The following IL1RAPL2 variants were observed in gnomAD, a reference collection of about 807,000 sequenced individuals.
IL1RAPL2 encodes the protein interleukin 1 receptor accessory protein like 2, also known as X-linked interleukin-1 receptor accessory protein-like 2.
In IL1RAPL2, 3 loss-of-function variants were observed where a neutral mutation model predicts 44.1. That is an observed-to-expected ratio of 0.07 (90% CI 0.03 to 0.18). IL1RAPL2 has a LOEUF of 0.18. Ranked by LOEUF, IL1RAPL2 falls within the 10% of genes least tolerant of loss-of-function variation. The pLI is 1.00. For missense variants in IL1RAPL2, 391 were observed against 496.4 expected (o/e 0.79, Z 2.02); for synonymous variants, 181 against 178.8 (o/e 1.01, Z -0.10).
At chrX:105,015,928 A>T (rs2031165364) in intron 2 of IL1RAPL2, among the ~76,000 whole-genome samples, 1 of 111,471 alleles carries the variant, frequency 9.0e-6, no homozygotes, top group African/African-American at 3.3e-5. Flanking sequence ...CATGATATTG[A>T]TTCTTCCTAT....
At chrX:104,726,149 C>T (rs1174085763) in intron 2 of IL1RAPL2, among the ~76,000 whole-genome samples, 3 of 111,212 alleles carry the variant, frequency 2.7e-5, no homozygotes, top group African/African-American at 9.8e-5. Flanking sequence ...GGAATCCTTT[C>T]CCCCATTTCT....
At chrX:105,547,454 A>T (rs2036812273) in intron 6 of IL1RAPL2, among the ~76,000 whole-genome samples, 1 of 112,023 alleles carries the variant, frequency 8.9e-6, no homozygotes, top group Admixed American at 9.4e-5. Context: ...GTTACTATCT[A>T]ACCAACTTTC....
chrX:105,468,050 C>T (rs1446581522), intron 5 of IL1RAPL2, among the ~76,000 whole-genome samples: 4 of 111,425 alleles, frequency 3.6e-5, no homozygotes, highest in Admixed American at 9.6e-5. Flanking sequence ...GTAAGCAAAC[C>T]GAAAGATGTA....
chrX:104,867,093 C>T (rs756770809), intron 2 of IL1RAPL2, among the ~76,000 whole-genome samples: 2 of 108,536 alleles, frequency 1.8e-5, no homozygotes, highest in Non-Finnish European at 3.8e-5. Flanking sequence ...AAAAATTAGC[C>T]GGGCACAGTG....
intron 4 of IL1RAPL2, among the ~76,000 whole-genome samples, chrX:105,241,487 A>C (rs944298014): frequency 8.9e-6 from 1 of 111,930 alleles, no homozygotes; most frequent in African/African-American, 3.2e-5. Context: ...TTCAAGAAAG[A>C]AAGCCAAATT....
chrX:105,081,767 G>C (rs2032411201), intron 2 of IL1RAPL2, among the ~76,000 whole-genome samples: 1 of 111,682 alleles, frequency 9.0e-6, no homozygotes, highest in Non-Finnish European at 1.9e-5. Flanking sequence ...TTTATGTGAT[G>C]GATTATGTAT....
chrX:105,643,544 A>T (rs1199001718), intron 6 of IL1RAPL2, among the ~76,000 whole-genome samples: 1 of 111,967 alleles, frequency 8.9e-6, no homozygotes, highest in African/African-American at 3.3e-5. Context: ...TCAAATGAGT[A>T]CCCTCCCTGG....
intron 2 of IL1RAPL2, among the ~76,000 whole-genome samples, chrX:104,747,751 A>G (rs1932200696): frequency 9.0e-6 from 1 of 111,612 alleles, no homozygotes. Context: ...GAGTGTACTT[A>G]CATGACTCTT....
intron 2 of IL1RAPL2, among the ~76,000 whole-genome samples, chrX:104,896,400 G>C (rs974903257): frequency 1.8e-5 from 2 of 111,250 alleles, no homozygotes; most frequent in Admixed American, 9.5e-5. Flanking sequence ...ACAACTGCAG[G>C]GCCCCTTCTT....
intron 6 of IL1RAPL2, among the ~76,000 whole-genome samples, chrX:105,694,280 A>C (rs769701426): frequency 4.5e-4 from 50 of 111,896 alleles, no homozygotes; most frequent in African/African-American, 1.6e-3. Flanking sequence ...CACTGCAACA[A>C]GTTAGGGGGC....
intron 2 of IL1RAPL2, among the ~76,000 whole-genome samples, chrX:104,744,618 C>A (rs1190949828): frequency 9.0e-6 from 1 of 111,313 alleles, no homozygotes; most frequent in Admixed American, 9.6e-5. Context: ...CACTTCATAG[C>A]ACAATTTATT....
intron 5 of IL1RAPL2, among the ~76,000 whole-genome samples, chrX:105,275,652 T>C (rs966582262): frequency 5.6e-5 from 6 of 107,740 alleles, no homozygotes; most frequent in African/African-American, 2.2e-4. Context: ...TTTGTGTTTG[T>C]AGAGCATCTT....
chrX:105,134,516 G>GT (rs1201447183), intron 2 of IL1RAPL2, among the ~76,000 whole-genome samples: 2 of 111,603 alleles, frequency 1.8e-5, no homozygotes, highest in Non-Finnish European at 3.8e-5. Context: ...TAGTCACTTA[G>GT]TTTTTCCTAC....
At chrX:105,296,130 A>T (rs1223733104) in intron 5 of IL1RAPL2, among the ~76,000 whole-genome samples, 1 of 111,606 alleles carries the variant, frequency 9.0e-6, no homozygotes, top group Non-Finnish European at 1.9e-5. Flanking sequence ...TTAGTCACAT[A>T]TGAAAATTCC....
intron 2 of IL1RAPL2, among the ~76,000 whole-genome samples, chrX:104,983,566 T>TTATATTATAGACATAATATATAA (rs1569355728): frequency 2.8e-5 from 2 of 71,759 alleles, no homozygotes; most frequent in African/African-American, 9.1e-5. Flanking sequence ...ATATTATATA[T>TTATATTATAGACATAATATATAA]TATATTATAG....
rs140824755 is a variant in IL1RAPL2, at chrX:104,793,668, G to A, written c.82+134673G>A. On this transcript the variant is annotated intron_variant, in intron 2 of 10. Coordinates refer to ENST00000372582, the MANE Select transcript of IL1RAPL2 (RefSeq NM_017416.2). ...CTAACCAGAATCTCTTAGTGACAAC[G>A]TATATTAGATCAGTGGGTTTCTAGT... Among the ~76,000 whole-genome samples the A allele has an allele frequency of 1.3e-3, 142 of 111,809 alleles. 3 individuals are homozygous for A. In the East Asian group the frequency reaches 0.033, roughly 26 times the overall value.
At chrX:104,893,286 T>C (rs370318974) in intron 2 of IL1RAPL2, among the ~76,000 whole-genome samples, 1 of 111,620 alleles carries the variant, frequency 9.0e-6, no homozygotes, top group Non-Finnish European at 1.9e-5. Context: ...GGGTGGAGAG[T>C]TCTGTAGATG....
intron 2 of IL1RAPL2, among the ~76,000 whole-genome samples, chrX:105,081,037 G>A (rs2032398626): frequency 9.0e-6 from 1 of 110,939 alleles, no homozygotes; most frequent in Non-Finnish European, 1.9e-5. Flanking sequence ...TTGGTGTATA[G>A]GAATGCTTGT....
At chrX:105,132,197 CA>C (rs957699553) in intron 2 of IL1RAPL2, among the ~76,000 whole-genome samples, 2 of 109,424 alleles carry the variant, frequency 1.8e-5, no homozygotes, top group Non-Finnish European at 3.8e-5. Context: ...GTCATATTAG[CA>C]TAGTTGTTTT....
Sources: allele counts gnomAD v4.1 joint callset (sites outside exome capture counted in the v4.1 genomes callset), GRCh38; gene constraint gnomAD v4.1.1; transcripts MANE v1.5; gene names NCBI Gene and HGNC (gene_info 2026-07-23, HGNC 2026-07-21).